The following NUP210 variants were observed in gnomAD, a reference collection of about 807,000 sequenced individuals.
The protein encoded by NUP210 is nuclear pore membrane glycoprotein 210.
Under a neutral mutation model 196.0 loss-of-function variants are expected in NUP210, and 151 were observed. That is an observed-to-expected ratio of 0.77 (90% confidence interval 0.67 to 0.88). The LOEUF (loss-of-function observed/expected upper bound fraction) is 0.88. Among genes scored for constraint, NUP210 ranks in the 40% least tolerant of loss-of-function variants. The pLI is 0.00. For missense variants in NUP210, 2,314 were observed against 2,493.7 expected (o/e 0.93, Z 1.53); for synonymous variants, 1,070 against 1,052.7 (o/e 1.02, Z -0.32).
intron 1 of NUP210, among the ~76,000 whole-genome samples, chr3:13,406,707 T>C (rs567892139): frequency 4.8e-4 from 73 of 152,248 alleles, no homozygotes; most frequent in African/African-American, 1.6e-3. Flanking sequence ...GCCCATCCAG[T>C]CTAAATGAAT....
rs1576375520 is a variant in NUP210 at position 13,354,002 on chromosome 3, T to C, written c.2434A>G (p.Thr812Ala). 2 of 1,609,520 alleles carry C rather than the reference T, an allele frequency of 1.2e-6. No homozygotes were observed. Among genetic ancestry groups the C allele is most frequent in the African/African-American group, 1.3e-5 (1 of 74,904 alleles). ...TCGATGCTGGCCAACACTGGCCTGG[T>C]GGACTCCCACTGGATGCTCAGAGAG... is the stretch of plus-strand genomic sequence containing the variant. ...FSSLSIQWESTRPVLASIEPE... is the reference protein window; with the variant it reads ...FSSLSIQWESARPVLASIEPE... Residue 812 changes from threonine (T) to alanine (A), a missense_variant, in exon 17 of 40, where the codon ACC (threonine) becomes GCC (alanine). Physicochemically the swap from Thr to Ala is moderately conservative, Grantham distance 58. Coordinates refer to ENST00000254508, the MANE Select transcript of NUP210 (RefSeq NM_024923.4).
At position 13,373,745 on chromosome 3, in the gene NUP210, C is replaced by A. The variant is rs757163322; in HGVS notation, c.1560G>T (p.Gln520His). 1 of 1,614,148 alleles carries A rather than the reference C, an allele frequency of 6.2e-7. No homozygotes were observed. Among genetic ancestry groups the A allele is most frequent in the Admixed American group, 1.7e-5 (1 of 60,024 alleles). The part of the protein sequence containing the change: ...GFSVIQAHDV[Q>H]NPLHFGEMKV... ...TCATCTCACCGAAATGGAGTGGGTT[C>A]TGCACATCATGTGCCTGGATCACAC... Residue 520 changes from glutamine to histidine, a missense_variant, in exon 12 of 40, where the codon CAG becomes CAT. By Grantham distance (24) the Gln-to-His change is conservative. Coordinates refer to ENST00000254508, the MANE Select transcript of NUP210 (RefSeq NM_024923.4).
chr3:13,405,525 G>A (rs555671530), intron 1 of NUP210, among the ~76,000 whole-genome samples: 5 of 151,786 alleles, frequency 3.3e-5, no homozygotes, highest in African/African-American at 1.2e-4. Flanking sequence ...TATATATATA[G>A]GCTATATATA....
intron 25 of NUP210, among the ~76,000 whole-genome samples, chr3:13,339,303 A>G (rs1220664985): frequency 1.3e-5 from 2 of 152,100 alleles, no homozygotes; most frequent in African/African-American, 2.4e-5. Context: ...CTCATGAGGA[A>G]TGGTATGACT....
At chr3:13,365,069 C>T (rs964204940) in intron 14 of NUP210, among the ~76,000 whole-genome samples, 2 of 152,188 alleles carry the variant, frequency 1.3e-5, no homozygotes, top group Non-Finnish European at 2.9e-5. Context: ...TCCCCATCAA[C>T]AAACCCTCTC....
At position 13,340,123 on chromosome 3, in the gene NUP210, C is replaced by T. The variant is rs59093794; in HGVS notation, c.3292-90G>A. On this transcript the variant is annotated intron_variant, in intron 24 of 39. Transcript: ENST00000254508. This position sits in a 1 kb window ranked among gnomAD's most constrained non-coding sequence, Gnocchi z 4.0. ...CAGAGAGCCAGGGCCCCAGTGCAGG[C>T]AGCTTCTGCCTTCTTCTCCCAGTCA... The T allele has an allele frequency of 6.4e-3, 10,265 of 1,600,944 alleles. 512 individuals are homozygous for T. In the African/African-American group the frequency reaches 0.12, roughly 18 times the overall value.
At chr3:13,318,255 G>C (rs1265771577) in intron 39 of NUP210, among the ~76,000 whole-genome samples, 2 of 152,158 alleles carry the variant, frequency 1.3e-5, no homozygotes, top group South Asian at 2.1e-4. Context: ...CCTGCTGCCA[G>C]AGCAGCTGCA....
At chr3:13,349,580 C>T (rs982662736) in intron 20 of NUP210, among the ~76,000 whole-genome samples, 1 of 152,230 alleles carries the variant, frequency 6.6e-6, no homozygotes, top group Non-Finnish European at 1.5e-5. Flanking sequence ...CAGCTCCTAA[C>T]GTGCAGGTGT....
chr3:13,411,008 G>C (rs1434114041), intron 1 of NUP210, among the ~76,000 whole-genome samples: 4 of 151,890 alleles, frequency 2.6e-5, no homozygotes, highest in African/African-American at 9.7e-5. Flanking sequence ...GATTGCTTGA[G>C]GCCAGTAGTT....
At chr3:13,403,854 C>A (rs555522889) in intron 1 of NUP210, among the ~76,000 whole-genome samples, 1 of 152,306 alleles carries the variant, frequency 6.6e-6, no homozygotes, top group African/African-American at 2.4e-5. Context: ...GGGGCTTGAT[C>A]CCTGCATCCC....
At position 13,397,400 on chromosome 3, in the gene NUP210, C is replaced by G; in HGVS notation, c.393G>C (p.Glu131Asp). 6.2e-7 allele frequency: 1 copy of G among 1,612,486 alleles called. No homozygotes were observed. Among genetic ancestry groups the G allele is most frequent in the East Asian group, 2.2e-5 (1 of 44,698 alleles). The change falls in exon 3 of 40, where the codon GAG becomes GAC. Residue 131 changes from glutamate to aspartate, a missense_variant. Glu to Asp is a conservative substitution (Grantham distance 45). Transcript: ENST00000254508. ...IVSTTRELYL[E>D]DSPLELKIQA... ...GGATCTTCAGCTCCAGGGGGGAGTC[C>G]TCCAGGTAGAGCTCGCGGGTGGTGG... is the stretch of plus-strand genomic sequence containing the variant.
At position 13,317,830 on chromosome 3, in the gene NUP210, C is replaced by T. The variant is rs780162637; in HGVS notation, c.5564-49G>A. 7.8e-5 allele frequency: 104 copies of T among 1,333,972 alleles called. 1 individual carries two copies. The highest frequency in any genetic ancestry group is 1.4e-4 in the Admixed American group (7 of 51,028). The allele number at this position is 1,333,972 out of a possible 1,614,324, so 82.6% of individuals were successfully genotyped here. On this transcript the variant is annotated intron_variant, in intron 39 of 39. Transcript: ENST00000254508. ...TTAGCAGCAGAGCCAGGGAAAGCGGCGCACTCTTCAGTTACAGCCAGCATT... is the reference window on the plus strand; with the variant it reads ...TTAGCAGCAGAGCCAGGGAAAGCGGTGCACTCTTCAGTTACAGCCAGCATT...
intron 28 of NUP210, among the ~76,000 whole-genome samples, chr3:13,333,882 A>G (rs1313172659): frequency 1.3e-5 from 2 of 152,212 alleles, no homozygotes; most frequent in Non-Finnish European, 2.9e-5. Flanking sequence ...GTTAACTATA[A>G]GAAAAGCAAC....
intron 20 of NUP210, 75 bp downstream of exon 20, chr3:13,351,804 G>T: frequency 2.1e-6 from 2 of 975,366 alleles, no homozygotes; most frequent in Non-Finnish European, 3.2e-6. Context: ...CTTTCAAAAT[G>T]ATCAATCAAT....
chr3:13,356,385 C>T (rs1341102009), intron 16 of NUP210, among the ~76,000 whole-genome samples: 1 of 152,250 alleles, frequency 6.6e-6, no homozygotes, highest in Non-Finnish European at 1.5e-5. Flanking sequence ...TGGCTCACGC[C>T]TGTAATCCCA....
Position 13,335,306 on chromosome 3 carries a change from C to T in NUP210, c.3843+148G>A, listed in dbSNP as rs1411595424. 1.0e-5 allele frequency: 9 copies of T among 901,708 alleles called. No homozygotes were observed. In the Admixed American group the frequency reaches 1.9e-4, roughly 19 times the overall value. 55.9% of individuals were successfully genotyped at this position (901,708 alleles called of 1,614,324 possible). A position where few individuals can be genotyped will look rare whatever the true frequency, so the allele number is the denominator to read the frequency against. ...CACCAATCACACCCGGATGTTTACC[C>T]CACTGCGATGGACCACTGTCATCCC... is the stretch of plus-strand genomic sequence containing the variant. On this transcript the variant is annotated intron_variant, in intron 28 of 39. Coordinates refer to ENST00000254508, the MANE Select transcript of NUP210 (RefSeq NM_024923.4).
chr3:13,380,739 G>A (rs1699072387), intron 6 of NUP210, among the ~76,000 whole-genome samples: 1 of 152,212 alleles, frequency 6.6e-6, no homozygotes, highest in African/African-American at 2.4e-5. Context: ...ACACCCCATA[G>A]AGGGTGCCAG....
intron 20 of NUP210, 39 bp from the exon 21 acceptor site, chr3:13,343,342 G>GGGGGGGGT: frequency 4.6e-6 from 3 of 655,988 alleles, no homozygotes; most frequent in Non-Finnish European, 2.5e-6. Context: ...TGGGTGGTGG[G>GGGGGGGGT]TTACGCAGCT....
At chr3:13,356,762 G>C (rs888124381) in intron 16 of NUP210, among the ~76,000 whole-genome samples, 1 of 152,222 alleles carries the variant, frequency 6.6e-6, no homozygotes, top group Admixed American at 6.5e-5. Flanking sequence ...CTCCGTGTTT[G>C]AGGTCCATTA....
Sources: gnomAD v4.1 joint callset for allele counts (sites outside exome capture counted in the v4.1 genomes callset) on GRCh38, gnomAD v4.1.1 for gene constraint, Gnocchi (gnomAD v3.1) non-coding constraint, MANE v1.5 for transcripts, NCBI Gene and HGNC (gene_info 2026-07-23, HGNC 2026-07-21) for gene names.